UHRF1: variants seen among roughly 807,000 people sequenced by gnomAD.
UHRF1 encodes the protein E3 ubiquitin-protein ligase UHRF1.
Under a neutral mutation model 96.5 loss-of-function variants are expected in UHRF1, and 9 were observed. The ratio of observed to expected loss-of-function variants is 0.09; its 90% CI spans 0.06 to 0.16. The LOEUF is 0.16. Ranked by LOEUF, UHRF1 falls within the 10% of genes least tolerant of loss-of-function variation. The pLI, the probability that UHRF1 is intolerant of heterozygous loss-of-function variation, is 1.00. For synonymous variants in UHRF1, 455 were observed against 469.9 expected, an observed-to-expected ratio of 0.97 and a Z score of 0.41; for missense variants, 626 against 1,131.1, an observed-to-expected ratio of 0.55 and a Z score of 6.40.
intron 2 of UHRF1, among the ~76,000 whole-genome samples, chr19:4,915,817 AGTTGGTGT>A (rs1881948745): frequency 6.6e-6 from 1 of 152,160 alleles, no homozygotes; most frequent in Non-Finnish European, 1.5e-5. Flanking sequence ...ATCCAGCCTC[AGTTGGTGT>A]GTCTGGGTTT....
rs371335433 is a variant in UHRF1 at position 4,929,341 on chromosome 19, C to T, written c.273C>T (p.Ser91=). The part of the protein sequence containing the change: ...HSTKERDSEL[S]DTDSGCCLGQ... ...CCAAGGAGCGGGACTCCGAGCTCTCCGACACCGACTCCGGCTGCTGCCTGG... is the reference window on the plus strand; with the variant it reads ...CCAAGGAGCGGGACTCCGAGCTCTCTGACACCGACTCCGGCTGCTGCCTGG... The change falls in exon 3 of 17, where the codon TCC becomes TCT. Residue 91 remains serine (S), a synonymous_variant. Coordinates refer to ENST00000650932, the MANE Select transcript of UHRF1 (RefSeq NM_001048201.3). 7 of 1,613,662 alleles carry T rather than the reference C, an allele frequency of 4.3e-6. No individual in the cohort carries two copies. Among genetic ancestry groups the T allele is most frequent in the East Asian group, 2.2e-5 (1 of 44,888 alleles).
intron 5 of UHRF1, among the ~76,000 whole-genome samples, chr19:4,939,884 C>T (rs550888179): frequency 1.3e-5 from 2 of 152,060 alleles, no homozygotes; most frequent in East Asian, 1.9e-4. Context: ...ATTAGCCAGG[C>T]GTGGTGGCGG....
At chr19:4,946,815 A>G (rs891645244) in intron 10 of UHRF1, among the ~76,000 whole-genome samples, 2 of 151,932 alleles carry the variant, frequency 1.3e-5, no homozygotes, top group African/African-American at 4.8e-5. Context: ...GGCTTAAGCG[A>G]TCCTCCCGCT....
rs565765578 is a variant in UHRF1 at position 4,955,860 on chromosome 19, T to C, written c.2131-849T>C. 8.5e-5 allele frequency among the ~76,000 whole-genome samples: 13 copies of C among 152,274 alleles called. No individual in the cohort carries two copies. In the East Asian group the frequency reaches 1.7e-3, roughly 20 times the overall value. On this transcript the variant is annotated intron_variant, in intron 15 of 16. Transcript: ENST00000650932. ...TCACCCAGGCTGGAGTGCGGTGGCA[T>C]GGACAAAGGTCACTGCCTCCTTGAA...
intron 2 of UHRF1, among the ~76,000 whole-genome samples, chr19:4,914,559 TGGGC>T (rs2032416710): frequency 6.6e-6 from 1 of 151,774 alleles, no homozygotes; most frequent in Non-Finnish European, 1.5e-5. Context: ...TGTCACTTGA[TGGGC>T]GGGAACGCAG....
At chr19:4,909,036 C>T (rs1352920937), upstream of UHRF1, among the ~76,000 whole-genome samples, 1 of 152,156 alleles carries the variant, frequency 6.6e-6, no homozygotes, top group Admixed American at 6.5e-5. Flanking sequence ...CAGGCCCTGA[C>T]GCCAGGCAGT....
chr19:4,909,624 AG>A lies in UHRF1; in HGVS notation c.-40del, dbSNP rs2032168810. On this transcript the variant is annotated 5_prime_UTR_variant, in exon 1 of 17. Transcript: ENST00000650932. ...CCATCCCCAGCCGGGCCACGCGCGC[AG>A]GCAGACAAGCTGTTCGCGGCGACCG... The A allele has an allele frequency of 4.9e-6, 3 of 611,280 alleles. No homozygotes were observed. The East Asian group carries it at 1.0e-4, about 21-fold the overall frequency. 37.9% of individuals were successfully genotyped at this position (611,280 alleles called of 1,614,324 possible). A position where few individuals can be genotyped will look rare whatever the true frequency, so the allele number is the denominator to read the frequency against.
At chr19:4,906,181 G>A (rs1028755963), upstream of UHRF1, among the ~76,000 whole-genome samples, 5 of 152,018 alleles carry the variant, frequency 3.3e-5, no homozygotes, top group African/African-American at 7.2e-5. Flanking sequence ...TTCTCACTAC[G>A]TTGCCCAAGC....
chr19:4,950,513 G>C, intron 11 of UHRF1, 98 bp from the exon 12 acceptor site: 1 of 1,345,622 alleles, frequency 7.4e-7, no homozygotes, highest in Non-Finnish European at 1.0e-6. Context: ...CAAAGTGCTG[G>C]GATTACAGGC....
intron 10 of UHRF1, 41 bp from the exon 11 acceptor site, chr19:4,947,061 TTTG>T: frequency 6.8e-7 from 1 of 1,473,876 alleles, no homozygotes; most frequent in Non-Finnish European, 9.3e-7. Flanking sequence ...TTTTTTTTTT[TTTG>T]CCTCTGCAGA....
chr19:4,939,639 T>C (rs2033323325), intron 5 of UHRF1, among the ~76,000 whole-genome samples: 1 of 152,068 alleles, frequency 6.6e-6, no homozygotes. Flanking sequence ...AGCTGGTAGG[T>C]CAGTGTGTTC....
chr19:4,914,983 C>T (rs551954890), intron 2 of UHRF1, among the ~76,000 whole-genome samples: 6 of 152,324 alleles, frequency 3.9e-5, no homozygotes, highest in East Asian at 3.9e-4. Context: ...TGGCTGGGAC[C>T]GTCCTGGGCA....
At chr19:4,932,557 C>A in intron 4 of UHRF1, 184 bp from the exon 5 acceptor site, 1 of 635,900 alleles carries the variant, frequency 1.6e-6, no homozygotes. Flanking sequence ...ACGGGCAACC[C>A]ATAACAATTT....
At chr19:4,942,773 ATGTAAGAAAAT>A (rs2033446167) in intron 7 of UHRF1, among the ~76,000 whole-genome samples, 1 of 152,114 alleles carries the variant, frequency 6.6e-6, no homozygotes, top group South Asian at 2.1e-4. Context: ...TCTACAAAAA[ATGTAAGAAAAT>A]TAGCTGGGCG....
At chr19:4,929,668 C>G (rs2032987940) in intron 3 of UHRF1, among the ~76,000 whole-genome samples, 192 bp downstream of exon 3, 2 of 142,492 alleles carry the variant, frequency 1.4e-5, no homozygotes, top group African/African-American at 5.4e-5. Flanking sequence ...TTGTGGACCT[C>G]TAGAGCAGAG....
intron 5 of UHRF1, among the ~76,000 whole-genome samples, chr19:4,935,289 G>T (rs1336162167): frequency 6.6e-6 from 1 of 152,152 alleles, no homozygotes; most frequent in Non-Finnish European, 1.5e-5. Context: ...ATAAAGGGCA[G>T]TTCCCCTGCA....
chr19:4,947,338 C>T (rs887486823), intron 11 of UHRF1, 127 bp downstream of exon 11: 27 of 829,294 alleles, frequency 3.3e-5, no homozygotes, highest in Middle Eastern at 2.3e-4. Context: ...CGAAGCCTGG[C>T]ATTTGGTTCC....
chr19:4,953,078 A>C (rs889063754), intron 13 of UHRF1, among the ~76,000 whole-genome samples: 1 of 152,106 alleles, frequency 6.6e-6, no homozygotes, highest in African/African-American at 2.4e-5. Flanking sequence ...TGAACACGTC[A>C]CCCGCGTTCG....
intron 2 of UHRF1, among the ~76,000 whole-genome samples, chr19:4,918,441 CAG>C (rs1444438907): frequency 6.8e-6 from 1 of 146,384 alleles, no homozygotes; most frequent in Non-Finnish European, 1.5e-5. Flanking sequence ...TTTTTTGAGA[CAG>C]AGTCTTGCTC....
Sources: gnomAD v4.1 joint callset for allele counts (sites outside exome capture counted in the v4.1 genomes callset) on GRCh38, gnomAD v4.1.1 for gene constraint, MANE v1.5 for transcripts, NCBI Gene and HGNC (gene_info 2026-07-23, HGNC 2026-07-21) for gene names.